CDH12: variants seen among roughly 807,000 people sequenced by gnomAD.
CDH12 encodes cadherin-12.
In CDH12, 41 loss-of-function variants were observed where a neutral mutation model predicts 74.1. That is an observed-to-expected ratio of 0.55 (90% CI 0.43 to 0.72). CDH12 has a LOEUF of 0.72. Among genes scored for constraint, CDH12 ranks in the 30% least tolerant of loss-of-function variants. The probability of loss-of-function intolerance (pLI) is 0.00; values close to 1 mark genes in which losing one functional copy is unlikely to be tolerated. For missense variants in CDH12, 945 were observed against 977.2 expected (o/e 0.97, Z 0.44); for synonymous variants, 399 against 355.0 (o/e 1.12, Z -1.39).
At chr5:21,985,568 T>C (rs1461073454) in intron 5 of CDH12, among the ~76,000 whole-genome samples, 1 of 152,172 alleles carries the variant, frequency 6.6e-6, no homozygotes, top group Non-Finnish European at 1.5e-5. Flanking sequence ...ATATTGTCAC[T>C]GATTTGTTTA....
rs574480626 is a variant in CDH12 at position 22,774,049 on chromosome 5, C to G, written c.-523+79009G>C. The stretch of plus-strand genomic sequence containing the variant: ...TTGGTGGGAATGTAAATTAGTTCAG[C>G]CCCTGTGAAAAGCAGTTTGGAGATT... On this transcript the variant is annotated intron_variant, in intron 1 of 14. Coordinates refer to ENST00000382254, the MANE Select transcript of CDH12 (RefSeq NM_004061.5). 2.0e-5 allele frequency among the ~76,000 whole-genome samples: 3 copies of G among 152,202 alleles called. No homozygotes were observed. The East Asian group carries it at 5.8e-4, about 29-fold the overall frequency.
At chr5:22,410,295 T>C (rs532540363) in intron 2 of CDH12, among the ~76,000 whole-genome samples, 1 of 152,148 alleles carries the variant, frequency 6.6e-6, no homozygotes, top group South Asian at 2.1e-4. Flanking sequence ...AACCTAAAAA[T>C]ATTACTCTAA....
rs1343253239 is a variant in CDH12, at chr5:22,666,975, T to C, written c.-522-161611A>G. On this transcript the variant is annotated intron_variant, in intron 1 of 14. Transcript: ENST00000382254. The stretch of plus-strand genomic sequence containing the variant: ...ACTCCCTCTGAACTTCTACCCCAAT[T>C]TGCGCTTTGGCTAATATCCATTCTG... 2.6e-5 allele frequency among the ~76,000 whole-genome samples: 4 copies of C among 152,190 alleles called. No individual in the cohort carries two copies. The East Asian group carries it at 7.7e-4, about 29-fold the overall frequency.
chr5:22,820,277 A>T (rs1262665708), intron 1 of CDH12, among the ~76,000 whole-genome samples: 1 of 152,002 alleles, frequency 6.6e-6, no homozygotes, highest in Non-Finnish European at 1.5e-5. Flanking sequence ...GAAATGATAA[A>T]CAACACCGAT....
At chr5:21,950,125 T>C (rs1218818055) in intron 6 of CDH12, among the ~76,000 whole-genome samples, 1 of 151,978 alleles carries the variant, frequency 6.6e-6, no homozygotes, top group Non-Finnish European at 1.5e-5. Flanking sequence ...ATATTTACCA[T>C]TGTGTTGCAA....
At chr5:22,244,493 T>A (rs1183973083) in intron 3 of CDH12, among the ~76,000 whole-genome samples, 1 of 31,240 alleles carries the variant, frequency 3.2e-5, no homozygotes, top group African/African-American at 1.6e-4. Flanking sequence ...AGACTCTGCC[T>A]CAAAAAAAAA....
At chr5:21,852,903 G>A (rs905347822) in intron 7 of CDH12, among the ~76,000 whole-genome samples, 3 of 151,172 alleles carry the variant, frequency 2.0e-5, no homozygotes, top group Admixed American at 6.6e-5. Context: ...AACCTCAAAA[G>A]GATACATAAC....
At chr5:22,621,189 T>C (rs1737952029) in intron 1 of CDH12, among the ~76,000 whole-genome samples, 1 of 152,158 alleles carries the variant, frequency 6.6e-6, no homozygotes, top group Admixed American at 6.6e-5. Context: ...CGAGTCTGCT[T>C]CTGTCTTTCA....
intron 6 of CDH12, among the ~76,000 whole-genome samples, chr5:21,923,273 T>C (rs1754441198): frequency 6.6e-6 from 1 of 152,120 alleles, no homozygotes; most frequent in Non-Finnish European, 1.5e-5. Context: ...TTAAAAAAGA[T>C]TTTGAGAAGC....
chr5:22,327,428 CTGTGTG>C (rs71609761), intron 3 of CDH12, among the ~76,000 whole-genome samples: 6,775 of 103,284 alleles, frequency 0.066, 452 homozygotes, highest in African/African-American at 0.18. Context: ...ATTTGTGCCT[CTGTGTG>C]TGTGTGTGTG....
chr5:22,294,974 T>C (rs1737560216), intron 3 of CDH12, among the ~76,000 whole-genome samples: 1 of 152,176 alleles, frequency 6.6e-6, no homozygotes, highest in South Asian at 2.1e-4. Flanking sequence ...CCAGTTTCTG[T>C]GAGTGGGTAA....
intron 4 of CDH12, among the ~76,000 whole-genome samples, chr5:22,109,260 C>T (rs1295529570): frequency 2.6e-5 from 4 of 152,080 alleles, no homozygotes; most frequent in Non-Finnish European, 4.4e-5. Flanking sequence ...TTCACTGGAG[C>T]GAAGGGTAGG....
intron 1 of CDH12, among the ~76,000 whole-genome samples, chr5:22,799,717 A>T (rs1748412865): frequency 6.6e-6 from 1 of 152,192 alleles, no homozygotes; most frequent in Non-Finnish European, 1.5e-5. Flanking sequence ...CATTCATTTA[A>T]TGAATACTTA....
chr5:21,948,640 T>C (rs1755686283), intron 6 of CDH12, among the ~76,000 whole-genome samples: 1 of 151,960 alleles, frequency 6.6e-6, no homozygotes, highest in African/African-American at 2.4e-5. Context: ...TTTAAGACTC[T>C]GGGGGACTGT....
At chr5:21,884,716 T>C (rs1458654354) in intron 6 of CDH12, among the ~76,000 whole-genome samples, 2 of 152,172 alleles carry the variant, frequency 1.3e-5, no homozygotes, top group East Asian at 3.9e-4. Flanking sequence ...GTGTACAAAG[T>C]AGAGAAATAT....
chr5:22,690,945 G>A (rs1019828656), intron 1 of CDH12, among the ~76,000 whole-genome samples: 2 of 152,100 alleles, frequency 1.3e-5, no homozygotes, highest in African/African-American at 4.8e-5. Flanking sequence ...AGACTGGGAT[G>A]TCCATAACCA....
intron 1 of CDH12, among the ~76,000 whole-genome samples, chr5:22,707,116 A>G (rs949505239): frequency 1.3e-5 from 2 of 152,120 alleles, no homozygotes; most frequent in African/African-American, 4.8e-5. Flanking sequence ...CAACCTAATC[A>G]CACCCCACCC....
chr5:22,809,014 T>G (rs953367737), intron 1 of CDH12, among the ~76,000 whole-genome samples: 5 of 151,852 alleles, frequency 3.3e-5, no homozygotes, highest in African/African-American at 1.2e-4. Flanking sequence ...TAGCTGTATT[T>G]TGAGATAGTT....
intron 1 of CDH12, among the ~76,000 whole-genome samples, chr5:22,692,116 A>G (rs1201670805): frequency 6.6e-6 from 1 of 152,064 alleles, no homozygotes; most frequent in Non-Finnish European, 1.5e-5. Context: ...TAGCGGTGGT[A>G]ATGAGTCAGT....
Sources: allele counts gnomAD v4.1 joint callset (sites outside exome capture counted in the v4.1 genomes callset), GRCh38; gene constraint gnomAD v4.1.1; transcripts MANE v1.5; gene names NCBI Gene and HGNC (gene_info 2026-07-23, HGNC 2026-07-21).